Variants in CCDC192 observed in about 807,000 individuals in gnomAD.
The protein encoded by CCDC192 is coiled-coil domain containing 192.
intron 5 of CCDC192, among the ~76,000 whole-genome samples, chr5:127,816,018 A>C (rs1246997388): frequency 6.6e-6 from 1 of 152,212 alleles, no homozygotes; most frequent in Non-Finnish European, 1.5e-5. Flanking sequence ...AAAAGGTTTC[A>C]TCCATCATTG....
intron 2 of CCDC192, among the ~76,000 whole-genome samples, chr5:127,752,352 G>A (rs1754239126): frequency 1.3e-5 from 2 of 152,092 alleles, no homozygotes; most frequent in Admixed American, 6.5e-5. Context: ...TCAGCTGCAG[G>A]TCTGTTGGAG....
chr5:127,900,938 T>A (rs1256632033), intron 6 of CCDC192, among the ~76,000 whole-genome samples: 1 of 152,208 alleles, frequency 6.6e-6, no homozygotes, highest in Non-Finnish European at 1.5e-5. Flanking sequence ...CAGTCCCTCT[T>A]CTGAAGAAAA....
intron 6 of CCDC192, among the ~76,000 whole-genome samples, chr5:127,893,783 C>CAT (rs919542592): frequency 6.6e-5 from 10 of 152,092 alleles, no homozygotes; most frequent in South Asian, 2.1e-4. Context: ...GTCAATGTTG[C>CAT]ATATATATAT....
intron 3 of CCDC192, among the ~76,000 whole-genome samples, chr5:127,790,737 G>A (rs979761322): frequency 3.9e-5 from 6 of 152,064 alleles, no homozygotes; most frequent in Non-Finnish European, 8.8e-5. Flanking sequence ...TTTAATTATG[G>A]GATAGCAAAC....
At chr5:127,746,244 G>A (rs1386729375) in intron 2 of CCDC192, among the ~76,000 whole-genome samples, 3 of 152,180 alleles carry the variant, frequency 2.0e-5, no homozygotes, top group Non-Finnish European at 4.4e-5. Context: ...AAATTTGTCT[G>A]TATGAAAAGT....
At chr5:127,911,418 A>G (rs967218172) in intron 6 of CCDC192, among the ~76,000 whole-genome samples, 2 of 152,194 alleles carry the variant, frequency 1.3e-5, no homozygotes, top group African/African-American at 4.8e-5. Flanking sequence ...GGCTCTGGAG[A>G]CATTACCAGT....
chr5:127,845,031 G>A (rs1750470969), intron 5 of CCDC192, among the ~76,000 whole-genome samples: 1 of 152,210 alleles, frequency 6.6e-6, no homozygotes, highest in South Asian at 2.1e-4. Flanking sequence ...CTTAAGAAGG[G>A]TCATGTGTGG....
At chr5:127,786,299 A>G (rs1756532371) in intron 3 of CCDC192, 3 of 635,760 alleles carry the variant, frequency 4.7e-6, no homozygotes, top group Admixed American at 5.0e-5. Flanking sequence ...TGCTGCAAGA[A>G]TTCAGTACTC....
At chr5:127,780,834 C>T (rs1274027219) in intron 3 of CCDC192, among the ~76,000 whole-genome samples, 2 of 152,180 alleles carry the variant, frequency 1.3e-5, no homozygotes, top group East Asian at 3.8e-4. Flanking sequence ...TTAATTAAGT[C>T]CCAGCTATTT....
intron 6 of CCDC192, among the ~76,000 whole-genome samples, chr5:127,901,050 T>G (rs1221714929): frequency 1.3e-5 from 2 of 152,230 alleles, no homozygotes; most frequent in African/African-American, 4.8e-5. Flanking sequence ...CTGTATAAGT[T>G]GTTTTTTAAG....
At chr5:127,875,907 T>C (rs2127135148) in intron 6 of CCDC192, among the ~76,000 whole-genome samples, 1 of 151,652 alleles carries the variant, frequency 6.6e-6, no homozygotes, top group South Asian at 2.1e-4. Flanking sequence ...TAGACTGAAA[T>C]AGATCTGAGA....
intron 3 of CCDC192, chr5:127,786,987 G>C: frequency 2.7e-6 from 1 of 366,586 alleles, no homozygotes; most frequent in South Asian, 3.0e-5. Flanking sequence ...ATCCAGATCT[G>C]GTCTAAGCCA....
At chr5:127,703,610 G>A (rs1750798630) in intron 1 of CCDC192, 103 bp downstream of exon 1, 1 of 391,260 alleles carries the variant, frequency 2.6e-6, no homozygotes, top group Admixed American at 4.4e-5. Flanking sequence ...AAAGTCTGGG[G>A]AATAACAGCA....
At chr5:127,921,381 C>T (rs1753717175) in intron 6 of CCDC192, among the ~76,000 whole-genome samples, 1 of 152,118 alleles carries the variant, frequency 6.6e-6, no homozygotes, top group African/African-American at 2.4e-5. Context: ...AAAGAAGTCA[C>T]TCATAATCAC....
At chr5:127,923,837 G>A (rs140366889) in intron 6 of CCDC192, among the ~76,000 whole-genome samples, 3 of 152,278 alleles carry the variant, frequency 2.0e-5, no homozygotes, top group African/African-American at 4.8e-5. Context: ...GACAAGACAG[G>A]ACTTTCTCTT....
rs1754429256 is a variant in CCDC192, at chr5:127,754,253, T to G, written c.115-15T>G. The G allele has an allele frequency of 5.0e-6, 2 of 398,228 alleles. No individual in the cohort carries two copies. The highest frequency in any genetic ancestry group is 8.9e-6 in the Non-Finnish European group (2 of 225,764). 24.7% of individuals were successfully genotyped at this position (398,228 alleles called of 1,614,324 possible). A position where few individuals can be genotyped will look rare whatever the true frequency, so the allele number is the denominator to read the frequency against. Reference sequence around the variant, plus strand: ...CCATGTCAAAAAGTAATACTTGATTTTTTTTTTTTTAAAGAAAGCGTCCCT... The same window carrying G: ...CCATGTCAAAAAGTAATACTTGATTGTTTTTTTTTTAAAGAAAGCGTCCCT... On this transcript the variant is annotated splice_polypyrimidine_tract_variant and intron_variant, in intron 2 of 6. Transcript: ENST00000514853.
At chr5:127,719,523 A>ACG (rs1751858075) in intron 2 of CCDC192, among the ~76,000 whole-genome samples, 1 of 88,608 alleles carries the variant, frequency 1.1e-5, no homozygotes, top group African/African-American at 5.4e-5. Flanking sequence ...ATATATATAT[A>ACG]TACACACATA....
At chr5:127,781,957 T>C (rs895742942) in intron 3 of CCDC192, among the ~76,000 whole-genome samples, 5 of 152,164 alleles carry the variant, frequency 3.3e-5, no homozygotes, top group African/African-American at 1.2e-4. Flanking sequence ...CATTTAGTAT[T>C]ATGTTGGCTG....
chr5:127,899,178 A>C (rs1288453509), intron 6 of CCDC192, among the ~76,000 whole-genome samples: 4 of 152,190 alleles, frequency 2.6e-5, no homozygotes, highest in Admixed American at 6.5e-5. Flanking sequence ...GGGGGGAGTG[A>C]ACAGGGGGAG....
Sources: gnomAD v4.1 joint callset for allele counts (sites outside exome capture counted in the v4.1 genomes callset) on GRCh38, gnomAD v4.1.1 for gene constraint, MANE v1.5 for transcripts, NCBI Gene and HGNC (gene_info 2026-07-23, HGNC 2026-07-21) for gene names.